DPP6: variants seen among roughly 807,000 people sequenced by gnomAD.
DPP6 encodes dipeptidyl peptidase like 6, also known as A-type potassium channel modulatory protein DPP6.
A neutral mutation model predicts 122.6 loss-of-function variants in DPP6; 69 were observed. That is an observed-to-expected ratio of 0.56 (90% CI 0.46 to 0.69). The LOEUF is 0.69. Among genes scored for constraint, DPP6 ranks in the 30% least tolerant of loss-of-function variants. The probability of loss-of-function intolerance (pLI) is 0.00; values close to 1 mark genes in which losing one functional copy is unlikely to be tolerated. For synonymous variants in DPP6, 418 were observed against 433.1 expected (o/e 0.97, Z 0.43); for missense variants, 928 against 1,116.9 (o/e 0.83, Z 2.41).
intron 1 of DPP6, among the ~76,000 whole-genome samples, chr7:153,999,820 A>C (rs948154919): frequency 6.6e-6 from 1 of 152,154 alleles, no homozygotes; most frequent in Non-Finnish European, 1.5e-5. Context: ...TTAGCTGGGC[A>C]TGGTGGTATG....
intron 7 of DPP6, among the ~76,000 whole-genome samples, chr7:154,685,775 C>G (rs1318402770): frequency 3.9e-5 from 6 of 152,186 alleles, no homozygotes; most frequent in Non-Finnish European, 8.8e-5. Flanking sequence ...TACTTTGCTC[C>G]TGGTCAATTC....
At chr7:154,214,444 A>G (rs1286347889) in intron 1 of DPP6, among the ~76,000 whole-genome samples, 1 of 152,190 alleles carries the variant, frequency 6.6e-6, no homozygotes, top group East Asian at 1.9e-4. Flanking sequence ...TAACTGAAAG[A>G]ATGATGAATT....
chr7:154,153,476 T>A (rs1313350820), intron 1 of DPP6, among the ~76,000 whole-genome samples: 2 of 152,202 alleles, frequency 1.3e-5, no homozygotes, highest in East Asian at 3.9e-4. Context: ...AGTGAGTCAC[T>A]GAGCCTGGCC....
At chr7:154,002,629 G>A (rs1424405629) in intron 1 of DPP6, among the ~76,000 whole-genome samples, 13 of 152,254 alleles carry the variant, frequency 8.5e-5, no homozygotes, top group African/African-American at 2.9e-4. Flanking sequence ...GATAGAGTTG[G>A]ATCACAAAGT....
chr7:153,891,861 A>G (rs779593249), intron 1 of DPP6, among the ~76,000 whole-genome samples: 5 of 152,204 alleles, frequency 3.3e-5, no homozygotes, highest in Non-Finnish European at 5.9e-5. Context: ...CATGGTGACT[A>G]CAGCAGTATC....
chr7:154,598,835 G>A (rs1455085918), intron 5 of DPP6, among the ~76,000 whole-genome samples: 1 of 152,172 alleles, frequency 6.6e-6, no homozygotes, highest in Non-Finnish European at 1.5e-5. Flanking sequence ...GGTTCTTTAT[G>A]TCATTGTTTG....
intron 1 of DPP6, among the ~76,000 whole-genome samples, chr7:154,203,724 C>G (rs1799289225): frequency 6.6e-6 from 1 of 152,208 alleles, no homozygotes; most frequent in Non-Finnish European, 1.5e-5. Flanking sequence ...AGAGGCCTCT[C>G]TCTTCTGATC....
intron 1 of DPP6, among the ~76,000 whole-genome samples, chr7:153,996,358 C>G (rs1797432551): frequency 6.6e-6 from 1 of 152,140 alleles, no homozygotes; most frequent in African/African-American, 2.4e-5. Flanking sequence ...TTCCTCCTGT[C>G]TTAGAAAGAT....
intron 3 of DPP6, among the ~76,000 whole-genome samples, chr7:154,535,349 A>G (rs185403994): frequency 2.4e-4 from 36 of 151,478 alleles, no homozygotes; most frequent in African/African-American, 8.2e-4. Context: ...ATGAATCATA[A>G]AAGAAAAATA....
At chr7:154,580,059 G>A (rs556315151) in intron 5 of DPP6, among the ~76,000 whole-genome samples, 8 of 152,072 alleles carry the variant, frequency 5.3e-5, no homozygotes, top group African/African-American at 9.7e-5. Context: ...TGAGTTTCCC[G>A]CGCGTCGGAG....
At chr7:154,074,813 T>C (rs1803438797) in intron 1 of DPP6, among the ~76,000 whole-genome samples, 1 of 151,690 alleles carries the variant, frequency 6.6e-6, no homozygotes, top group Admixed American at 6.6e-5. Flanking sequence ...TATATGCCTT[T>C]CATAAGCAAG....
chr7:154,513,911 T>C lies in DPP6; in HGVS notation c.458-26621T>C, dbSNP rs553220738. 3.4e-4 allele frequency among the ~76,000 whole-genome samples: 52 copies of C among 152,340 alleles called. No individual in the cohort carries two copies. In the South Asian group the frequency reaches 7.9e-3, roughly 23 times the overall value. ...TCTTAAATTAGCCACAACTAATTTCTTTCATGCTGATTTTTATTTCTAAAG... is the reference window on the plus strand; with the variant it reads ...TCTTAAATTAGCCACAACTAATTTCCTTCATGCTGATTTTTATTTCTAAAG... On this transcript the variant is annotated intron_variant, in intron 3 of 25. Coordinates refer to ENST00000377770, the MANE Select transcript of DPP6 (RefSeq NM_130797.4).
intron 16 of DPP6, among the ~76,000 whole-genome samples, chr7:154,816,294 C>T (rs1782527528): frequency 6.6e-6 from 1 of 152,156 alleles, no homozygotes; most frequent in African/African-American, 2.4e-5. Flanking sequence ...AGAGACACCA[C>T]ATTCATAATA....
Position 154,169,469 on chromosome 7 carries a change from C to T in DPP6, c.243+116406C>T, listed in dbSNP as rs146228024. Reference sequence around the variant, plus strand: ...AGCACCTGGGCTTAAGTTGCAGCACCGATACATACCAGCTATGGGACTTTA... The same window carrying T: ...AGCACCTGGGCTTAAGTTGCAGCACTGATACATACCAGCTATGGGACTTTA... On this transcript the variant is annotated intron_variant, in intron 1 of 25. Transcript: ENST00000377770. Among the ~76,000 whole-genome samples, 690 of 152,210 alleles carry T rather than the reference C, an allele frequency of 4.5e-3. 5 individuals carry two copies. The highest frequency in any genetic ancestry group is 0.016 in the African/African-American group (646 of 41,536).
At position 154,305,018 on chromosome 7, in the gene DPP6, TCCCCAGCCCCAGCCCCAGCCCCAG is replaced by T. The variant is rs560117474; in HGVS notation, c.244-141150_244-141127del. The T allele has an allele frequency of 0.36, 52,733 of 146,498 alleles. 10,438 individuals carry two copies. Among genetic ancestry groups the T allele is most frequent in the East Asian group, 0.59 (2,746 of 4,650 alleles). The allele number at this position is 146,498 out of a possible 1,614,324, so 9.1% of individuals were successfully genotyped here. The stretch of plus-strand genomic sequence containing the variant: ...GGCAGTCGCTGCCTCCGCGGCCCCC[TCCCCAGCCCCAGCCCCAGCCCCAG>T]CCCCAGCCCCAGCCCCAGCCCCAGC... On this transcript the variant is annotated intron_variant, in intron 1 of 25. Transcript: ENST00000377770.
chr7:154,240,050 A>T (rs1801488735), intron 1 of DPP6, among the ~76,000 whole-genome samples: 2 of 140,048 alleles, frequency 1.4e-5, no homozygotes, highest in Admixed American at 7.3e-5. Flanking sequence ...TGATACAAGG[A>T]TTTTCAGCTG....
chr7:154,405,240 C>G (rs1292761926), intron 1 of DPP6, among the ~76,000 whole-genome samples: 5 of 152,120 alleles, frequency 3.3e-5, no homozygotes, highest in African/African-American at 1.2e-4. Context: ...AGCGCTTCCT[C>G]CAGATCTTCA....
intron 4 of DPP6, among the ~76,000 whole-genome samples, chr7:154,551,799 G>A (rs1223390382): frequency 6.6e-6 from 1 of 151,912 alleles, no homozygotes; most frequent in African/African-American, 2.4e-5. Flanking sequence ...GAGGGAACAA[G>A]CAGAGAAGGA....
At chr7:153,767,933 T>A in the DPP6 span, among the ~76,000 whole-genome samples, 2 of 152,022 alleles carry the variant, frequency 1.3e-5, no homozygotes, top group South Asian at 4.2e-4. Context: ...GAAAGTGGGG[T>A]GAGTCAAAAT....
Sources: allele counts gnomAD v4.1 joint callset (sites outside exome capture counted in the v4.1 genomes callset), GRCh38; gene constraint gnomAD v4.1.1; transcripts MANE v1.5; gene names NCBI Gene and HGNC (gene_info 2026-07-23, HGNC 2026-07-21).